Variants in EML6 observed in about 807,000 individuals in gnomAD.
The protein encoded by EML6 is EMAP like 6.
EML6 carries 154 observed loss-of-function variants against 240.1 expected under a neutral mutation model. The ratio of observed to expected loss-of-function variants is 0.64; its 90% confidence interval spans 0.56 to 0.73. The LOEUF (loss-of-function observed/expected upper bound fraction) is 0.73, where lower values mean the gene tolerates loss of function less well. Ranked by LOEUF, EML6 falls within the 30% of genes least tolerant of loss-of-function variation. The pLI is 0.00. For missense variants in EML6, 2,964 were observed against 2,474.6 expected (o/e 1.20, Z -4.20); for synonymous variants, 1,148 against 899.0 (o/e 1.28, Z -4.95).
intron 25 of EML6, among the ~76,000 whole-genome samples, chr2:54,914,130 T>A (rs1467656722): frequency 6.6e-6 from 1 of 152,222 alleles, no homozygotes; most frequent in Non-Finnish European, 1.5e-5. Context: ...CTTTGACTAT[T>A]CAGCCTCTTT....
At chr2:54,742,220 G>A (rs1219891960) in intron 2 of EML6, among the ~76,000 whole-genome samples, 2 of 152,104 alleles carry the variant, frequency 1.3e-5, no homozygotes, top group South Asian at 2.1e-4. Flanking sequence ...TCTGGAATGC[G>A]ACCCTACCCC....
intron 24 of EML6, among the ~76,000 whole-genome samples, chr2:54,904,459 G>T (rs1331966151): frequency 1.3e-5 from 2 of 152,178 alleles, no homozygotes; most frequent in African/African-American, 4.8e-5. Flanking sequence ...CTCCTTGGAG[G>T]TAATCCATGG....
At position 54,879,483 on chromosome 2, in the gene EML6, C is replaced by T. The variant is rs1021522365; in HGVS notation, c.2345-64C>T. ...AAGATCAGTTACTTATTCCTCTTTA[C>T]AGTGTATGAAATGTTTTGTTTTTTC... On this transcript the variant is annotated intron_variant, in intron 16 of 41. Transcript: ENST00000356458. The T allele has an allele frequency of 6.9e-6, 7 of 1,011,052 alleles. No individual in the cohort carries two copies. In the Admixed American group the frequency reaches 8.3e-5, roughly 12 times the overall value. 62.6% of individuals were successfully genotyped at this position (1,011,052 alleles called of 1,614,324 possible).
chr2:54,943,004 G>A (rs1406300131), intron 28 of EML6, among the ~76,000 whole-genome samples: 1 of 152,014 alleles, frequency 6.6e-6, no homozygotes, highest in Non-Finnish European at 1.5e-5. Context: ...GTCCCACGTT[G>A]GCACAGATGG....
chr2:54,793,637 A>G (rs1373950211), intron 2 of EML6, among the ~76,000 whole-genome samples: 1 of 152,128 alleles, frequency 6.6e-6, no homozygotes, highest in Non-Finnish European at 1.5e-5. Context: ...TTCCTTAGCA[A>G]CAGTACCCCA....
At chr2:54,879,514 A>C (rs1671706349) in intron 16 of EML6, 33 bp from the exon 17 acceptor site, 1 of 1,439,628 alleles carries the variant, frequency 6.9e-7, no homozygotes, top group Admixed American at 2.0e-5. Flanking sequence ...TTTTCATGGA[A>C]GAAATTTTGA....
In EML6 at chr2:54,859,842, A is replaced by C. The variant is rs1424388268; in HGVS notation, c.1825+141A>C. On this transcript the variant is annotated intron_variant, in intron 12 of 41. Transcript: ENST00000356458. ...TGTAATCTTAAAATTTTAAGATAAG[A>C]AGAAACTTTAAAGATTAACATGGGT... 3 of 678,042 alleles carry C rather than the reference A, an allele frequency of 4.4e-6. No homozygotes were observed. The African/African-American group carries it at 5.6e-5, about 13-fold the overall frequency. 42.0% of individuals were successfully genotyped at this position (678,042 alleles called of 1,614,324 possible).
At chr2:54,730,817 C>A (rs1205475983) in intron 2 of EML6, among the ~76,000 whole-genome samples, 3 of 152,052 alleles carry the variant, frequency 2.0e-5, no homozygotes, top group African/African-American at 7.2e-5. Flanking sequence ...TTTGTTAATT[C>A]ATCAAAAACT....
intron 2 of EML6, among the ~76,000 whole-genome samples, chr2:54,784,786 T>G (rs1487210858): frequency 6.6e-6 from 1 of 152,200 alleles, no homozygotes; most frequent in Non-Finnish European, 1.5e-5. Context: ...CATCGAGGTA[T>G]TAAGCCCCAC....
chr2:54,840,318 G>C (rs138584575), intron 7 of EML6, among the ~76,000 whole-genome samples: 2 of 152,192 alleles, frequency 1.3e-5, no homozygotes, highest in Admixed American at 6.5e-5. Context: ...ATTATAAAAG[G>C]ACTATGATCT....
intron 19 of EML6, 87 bp downstream of exon 19, chr2:54,892,743 A>G: frequency 5.1e-6 from 5 of 982,308 alleles, no homozygotes; most frequent in Non-Finnish European, 7.4e-6. Context: ...GGATGCCTGT[A>G]TCTAAAACAG....
intron 35 of EML6, among the ~76,000 whole-genome samples, chr2:54,961,184 G>GTTGTTTTTTTTTGTTTGTTTTTTTTTT: frequency 3.4e-4 from 19 of 55,416 alleles, no homozygotes; most frequent in Middle Eastern, 0.014. Flanking sequence ...TCAGGAAGTA[G>GTTGTTTTTTTTTGTTTGTTTTTTTTTT]TTTTTTTTTT....
At chr2:54,903,009 T>G in intron 22 of EML6, 35 bp from the exon 23 acceptor site, 4 of 1,542,706 alleles carry the variant, frequency 2.6e-6, no homozygotes, top group Non-Finnish European at 3.5e-6. Context: ...AGTGAAGTTT[T>G]GGATAATAAG....
intron 34 of EML6, 68 bp from the exon 35 acceptor site, chr2:54,960,152 A>C (rs1410440932): frequency 4.4e-6 from 5 of 1,132,550 alleles, no homozygotes; most frequent in Non-Finnish European, 6.5e-6. Context: ...AAGAGGGGAG[A>C]GGGCCGGAGG....
At chr2:54,802,241 A>G (rs1293195236) in intron 2 of EML6, among the ~76,000 whole-genome samples, 1 of 152,186 alleles carries the variant, frequency 6.6e-6, no homozygotes, top group African/African-American at 2.4e-5. Context: ...TACAAGCAAG[A>G]ATGAAATACA....
At chr2:54,855,411 C>A (rs952871215) in intron 11 of EML6, among the ~76,000 whole-genome samples, 1 of 152,080 alleles carries the variant, frequency 6.6e-6, no homozygotes, top group African/African-American at 2.4e-5. Flanking sequence ...ATGATGCTAA[C>A]CTATTCATGA....
rs143917147 is a variant in EML6, at chr2:54,762,745, T to C, written c.197+37487T>C. Among the ~76,000 whole-genome samples the C allele has an allele frequency of 2.9e-3, 436 of 152,334 alleles. 2 individuals are homozygous for C. Among genetic ancestry groups the C allele is most frequent in the African/African-American group, 9.8e-3 (408 of 41,574 alleles). ...AAATTTGTGTAGCATCTTATTGCTG[T>C]TTGGCATCATAGCTGTTCCAGGTCC... is the stretch of plus-strand genomic sequence containing the variant. On this transcript the variant is annotated intron_variant, in intron 2 of 41. Transcript: ENST00000356458.
At position 54,849,952 on chromosome 2, in the gene EML6, A is replaced by G. The variant is rs1669982455; in HGVS notation, c.1188-10A>G. ...ATTGCTGCTTATCGTTTTGCTTTTTATTCTTACAGAGATATGACAGAAGTA... is the reference window on the plus strand; with the variant it reads ...ATTGCTGCTTATCGTTTTGCTTTTTGTTCTTACAGAGATATGACAGAAGTA... On this transcript the variant is annotated splice_polypyrimidine_tract_variant and intron_variant, in intron 9 of 41. Coordinates refer to ENST00000356458, the MANE Select transcript of EML6 (RefSeq NM_001039753.4). 8 of 1,544,614 alleles carry G rather than the reference A, an allele frequency of 5.2e-6. No individual in the cohort carries two copies. In the Middle Eastern group the frequency reaches 1.2e-3, roughly 227 times the overall value.
At chr2:54,788,757 A>G (rs1221285296) in intron 2 of EML6, among the ~76,000 whole-genome samples, 4 of 152,198 alleles carry the variant, frequency 2.6e-5, no homozygotes, top group Non-Finnish European at 5.9e-5. Flanking sequence ...TTTGAAAAAT[A>G]GGGCCAAACT....
Sources: allele counts gnomAD v4.1 joint callset (sites outside exome capture counted in the v4.1 genomes callset), GRCh38; gene constraint gnomAD v4.1.1; transcripts MANE v1.5; gene names NCBI Gene and HGNC (gene_info 2026-07-23, HGNC 2026-07-21).